LRTM2: variants seen among roughly 807,000 people sequenced by gnomAD.
The protein encoded by LRTM2 is leucine rich repeat transmembrane protein 2.
A neutral mutation model predicts 28.1 loss-of-function variants in LRTM2; 18 were observed. That is an observed-to-expected ratio of 0.64 (90% CI 0.44 to 0.95). The LOEUF (loss-of-function observed/expected upper bound fraction) is 0.95. LRTM2 is among the 40% of genes least tolerant of loss of function. The probability of loss-of-function intolerance (pLI) is 0.00; values close to 1 mark genes in which losing one functional copy is unlikely to be tolerated. For synonymous variants in LRTM2, 250 were observed against 218.7 expected (o/e 1.14, Z -1.26); for missense variants, 436 against 497.2 (o/e 0.88, Z 1.17).
At chr12:1,827,978 A>T in intron 2 of LRTM2, 98 bp from the exon 3 acceptor site, 1 of 473,028 alleles carries the variant, frequency 2.1e-6, no homozygotes, top group Non-Finnish European at 3.7e-6. Context: ...AGGAGAGGGC[A>T]TGAGGAGTGT....
Position 1,834,717 on chromosome 12 carries a change from C to A in LRTM2, c.1109C>A (p.Ala370Asp). ...HEDQKQISSV[A>D] is the part of the protein sequence containing the mutation. ...GACCAGAAGCAGATCTCTTCTGTGG[C>A]CTGAGCGCCCATCCCCACCCGGCCA... The change falls in exon 5 of 5, where the codon GCC (alanine) becomes GAC (aspartate). Residue 370 changes from alanine to aspartate, a missense_variant. Physicochemically the swap from Ala to Asp is moderately radical, Grantham distance 126 (BLOSUM62 -2). Transcript: ENST00000299194. This position sits in a 1 kb window ranked among gnomAD's most constrained non-coding sequence, Gnocchi z 7.6. The A allele has an allele frequency of 6.3e-7, 1 of 1,586,374 alleles. No individual in the cohort carries two copies. Among genetic ancestry groups the A allele is most frequent in the Non-Finnish European group, 8.6e-7 (1 of 1,168,482 alleles).
intron 1 of LRTM2, among the ~76,000 whole-genome samples, chr12:1,821,448 G>T (rs1864096092): frequency 6.6e-6 from 1 of 152,232 alleles, no homozygotes; most frequent in African/African-American, 2.4e-5. Context: ...TGAGGGTGAG[G>T]CTGGGAGTGG....
In LRTM2 at chr12:1,834,586, G is replaced by C. The variant is rs772385861; in HGVS notation, c.978G>C (p.Val326=). ...VVCGVVCIMM[V]VAAAYGCIYA... The stretch of plus-strand genomic sequence containing the variant: ...GCGGCGTCGTCTGCATCATGATGGT[G>C]GTGGCCGCTGCCTATGGCTGCATCT... Residue 326 remains valine, a synonymous_variant, in exon 5 of 5, where the codon GTG becomes GTC. Transcript: ENST00000299194. This position sits in a 1 kb window ranked among gnomAD's most constrained non-coding sequence, Gnocchi z 7.6. 1 of 1,600,584 alleles carries C rather than the reference G, an allele frequency of 6.2e-7. No individual in the cohort carries two copies. Among genetic ancestry groups the C allele is most frequent in the East Asian group, 2.2e-5 (1 of 44,870 alleles).
In LRTM2 at chr12:1,833,001, G is replaced by A. The variant is rs931684657; in HGVS notation, c.659-1266G>A. Among the ~76,000 whole-genome samples the A allele has an allele frequency of 3.3e-5, 5 of 152,178 alleles. No individual in the cohort carries two copies. Among genetic ancestry groups the A allele is most frequent in the East Asian group, 1.9e-4 (1 of 5,192 alleles). ...GATGTGAGGTTTGCTGCAGGCCACC[G>A]AGGTGTCAGCCGCACAGGGGAACTA... On this transcript the variant is annotated intron_variant, in intron 4 of 4. Coordinates refer to ENST00000299194, the MANE Select transcript of LRTM2 (RefSeq NM_001039029.3). This position sits in a 1 kb window ranked among gnomAD's most constrained non-coding sequence, Gnocchi z 4.2.
Position 1,828,632 on chromosome 12 carries a change from C to G in LRTM2, c.67+417C>G, listed in dbSNP as rs1196730477. Among the ~76,000 whole-genome samples, 2 of 152,204 alleles carry G rather than the reference C, an allele frequency of 1.3e-5. No homozygotes were observed. The highest frequency in any genetic ancestry group is 4.8e-5 in the African/African-American group (2 of 41,458). On this transcript the variant is annotated intron_variant, in intron 3 of 4. Coordinates refer to ENST00000299194, the MANE Select transcript of LRTM2 (RefSeq NM_001039029.3). The surrounding 1 kb of genome is among the most constrained non-coding windows in gnomAD (Gnocchi z 4.2). ...CTTTTGCTCCCGTGGGGAACTGCCC[C>G]CTTGGCTGGCCTCGGCCAGGAGCTG...
At position 1,831,290 on chromosome 12, in the gene LRTM2, G is replaced by A; in HGVS notation, c.423G>A (p.Leu141=). 2 of 1,613,654 alleles carry A rather than the reference G, an allele frequency of 1.2e-6. No individual in the cohort carries two copies. Among genetic ancestry groups the A allele is most frequent in the Non-Finnish European group, 1.7e-6 (2 of 1,180,018 alleles). The change falls in exon 4 of 5, where the codon CTG becomes CTA. Residue 141 remains leucine, a synonymous_variant. Transcript: ENST00000299194. ...LDRDLLRHSP[L]LRHLDLSING... The stretch of plus-strand genomic sequence containing the variant: ...GGGACCTGCTGCGGCACTCGCCGCT[G>A]CTCCGCCACCTGGACCTGTCCATCA...
Position 1,833,975 on chromosome 12 carries a change from G to A in LRTM2, c.659-292G>A, listed in dbSNP as rs1161920229. The stretch of plus-strand genomic sequence containing the variant: ...CGTTTGGCCTGGGAGAGGACAGGCC[G>A]GATGGAAGTGGCTGCGTGCTTCTCT... On this transcript the variant is annotated intron_variant, in intron 4 of 4. Coordinates refer to ENST00000299194, the MANE Select transcript of LRTM2 (RefSeq NM_001039029.3). The surrounding 1 kb of genome is among the most constrained non-coding windows in gnomAD (Gnocchi z 4.2). Among the ~76,000 whole-genome samples, 3 of 152,208 alleles carry A rather than the reference G, an allele frequency of 2.0e-5. No individual in the cohort carries two copies. Among genetic ancestry groups the A allele is most frequent in the Admixed American group, 6.5e-5 (1 of 15,288 alleles).
In LRTM2 at chr12:1,834,140, C is replaced by T; in HGVS notation, c.659-127C>T. The stretch of plus-strand genomic sequence containing the variant: ...GCTTCCTCTTCTATAGATGGTGATT[C>T]CAGGATTGACTACATTGCTGATAAA... On this transcript the variant is annotated intron_variant, in intron 4 of 4. Transcript: ENST00000299194. The surrounding 1 kb of genome is among the most constrained non-coding windows in gnomAD (Gnocchi z 7.6). 1 of 1,101,526 alleles carries T rather than the reference C, an allele frequency of 9.1e-7. No homozygotes were observed. Among genetic ancestry groups the T allele is most frequent in the South Asian group, 1.7e-5 (1 of 57,354 alleles). 68.2% of individuals were successfully genotyped at this position (1,101,526 alleles called of 1,614,324 possible). A position where few individuals can be genotyped will look rare whatever the true frequency, so the allele number is the denominator to read the frequency against.
In LRTM2 at chr12:1,834,456, C is replaced by T. The variant is rs756346656; in HGVS notation, c.848C>T (p.Ala283Val). The T allele has an allele frequency of 1.2e-6, 2 of 1,611,612 alleles. No individual in the cohort carries two copies. Among genetic ancestry groups the T allele is most frequent in the Non-Finnish European group, 1.7e-6 (2 of 1,179,834 alleles). The change falls in exon 5 of 5, where the codon GCT becomes GTT. Residue 283 changes from alanine to valine, a missense_variant. Ala to Val is a moderately conservative substitution (Grantham distance 64). Coordinates refer to ENST00000299194, the MANE Select transcript of LRTM2 (RefSeq NM_001039029.3). This position sits in a 1 kb window ranked among gnomAD's most constrained non-coding sequence, Gnocchi z 7.6. The part of the protein sequence containing the change: ...SPEPAKPKPG[A>V]EPEPEPSTAC... ...GAGCCTGCTAAGCCCAAGCCCGGGGCTGAGCCGGAGCCGGAGCCCAGCACA... is the reference window on the plus strand; with the variant it reads ...GAGCCTGCTAAGCCCAAGCCCGGGGTTGAGCCGGAGCCGGAGCCCAGCACA...
Position 1,830,975 on chromosome 12 carries a change from C to T in LRTM2, c.108C>T (p.Leu36=), listed in dbSNP as rs1461007032. The T allele has an allele frequency of 1.9e-6, 3 of 1,613,262 alleles. No homozygotes were observed. Among genetic ancestry groups the T allele is most frequent in the Non-Finnish European group, 2.5e-6 (3 of 1,179,504 alleles). The change falls in exon 4 of 5, where the codon CTC becomes CTT. Residue 36 remains leucine, a synonymous_variant. Transcript: ENST00000299194. ...TCGCCCTGTATGCTGTGGAGGCCCTCCCCACCTGCCCTTTCTCCTGCAAGT... is the reference window on the plus strand; with the variant it reads ...TCGCCCTGTATGCTGTGGAGGCCCTTCCCACCTGCCCTTTCTCCTGCAAGT... ...CWIALYAVEA[L]PTCPFSCKCD...
rs1592684134 is a variant in LRTM2, at chr12:1,827,440, G to A, written c.-228G>A. On this transcript the variant is annotated 5_prime_UTR_variant, in exon 2 of 5. Transcript: ENST00000299194. ...GCAGCATGAACCCCTGAGCTGATGA[G>A]TCTTATTATAGCCCGGCTGGCGGAA... 2 of 152,808 alleles carry A rather than the reference G, an allele frequency of 1.3e-5. No individual in the cohort carries two copies. The highest frequency in any genetic ancestry group is 2.9e-5 in the Non-Finnish European group (2 of 68,170). The allele number at this position is 152,808 out of a possible 1,614,324, so 9.5% of individuals were successfully genotyped here.
At chr12:1,821,462 G>A (rs1403038699) in intron 1 of LRTM2, among the ~76,000 whole-genome samples, 1 of 152,208 alleles carries the variant, frequency 6.6e-6, no homozygotes, top group African/African-American at 2.4e-5. Flanking sequence ...GGAGTGGGCA[G>A]GAGAGAGAAG....
intron 1 of LRTM2, among the ~76,000 whole-genome samples, chr12:1,823,953 C>T (rs758959183): frequency 1.8e-4 from 27 of 152,198 alleles, no homozygotes; most frequent in Non-Finnish European, 2.6e-4. Flanking sequence ...CCAGAGAGCT[C>T]GGGCTCAGAG....
rs1244463391 is a variant in LRTM2, at chr12:1,834,194, G to A, written c.659-73G>A. 1.3e-6 allele frequency: 2 copies of A among 1,489,158 alleles called. No homozygotes were observed. Among genetic ancestry groups the A allele is most frequent in the Non-Finnish European group, 9.0e-7 (1 of 1,117,262 alleles). The allele number at this position is 1,489,158 out of a possible 1,614,324, so 92.2% of individuals were successfully genotyped here. A position where few individuals can be genotyped will look rare whatever the true frequency, so the allele number is the denominator to read the frequency against. On this transcript the variant is annotated intron_variant, in intron 4 of 4. Transcript: ENST00000299194. This position sits in a 1 kb window ranked among gnomAD's most constrained non-coding sequence, Gnocchi z 7.6. Reference sequence around the variant, plus strand: ...TACCTTCTGGGGCTTCCGTTTTGGGGAGCTGGGGATGGGGAGAGGGAGTGC... The same window carrying A: ...TACCTTCTGGGGCTTCCGTTTTGGGAAGCTGGGGATGGGGAGAGGGAGTGC...
At position 1,834,129 on chromosome 12, in the gene LRTM2, A is replaced by C; in HGVS notation, c.659-138A>C. 1 of 988,294 alleles carries C rather than the reference A, an allele frequency of 1.0e-6. No homozygotes were observed. Among genetic ancestry groups the C allele is most frequent in the Non-Finnish European group, 1.4e-6 (1 of 700,162 alleles). The allele number at this position is 988,294 out of a possible 1,614,324, so 61.2% of individuals were successfully genotyped here. Reference sequence around the variant, plus strand: ...TTCCCTCCTCCGCTTCCTCTTCTATAGATGGTGATTCCAGGATTGACTACA... The same window carrying C: ...TTCCCTCCTCCGCTTCCTCTTCTATCGATGGTGATTCCAGGATTGACTACA... On this transcript the variant is annotated intron_variant, in intron 4 of 4. Coordinates refer to ENST00000299194, the MANE Select transcript of LRTM2 (RefSeq NM_001039029.3). This position sits in a 1 kb window ranked among gnomAD's most constrained non-coding sequence, Gnocchi z 7.6.
At chr12:1,827,897 C>T (rs947207832) in intron 2 of LRTM2, 179 bp from the exon 3 acceptor site, 4 of 402,060 alleles carry the variant, frequency 9.9e-6, no homozygotes, top group Admixed American at 4.4e-5. Context: ...TGCCCCGCCC[C>T]CATCCCAGGG....
At chr12:1,822,631 A>C (rs1024136774) in intron 1 of LRTM2, among the ~76,000 whole-genome samples, 1 of 152,220 alleles carries the variant, frequency 6.6e-6, no homozygotes, top group Non-Finnish European at 1.5e-5. Flanking sequence ...ACGGGGGTGC[A>C]GGAGGCTGGG....
chr12:1,822,592 G>A (rs1220721834), intron 1 of LRTM2, among the ~76,000 whole-genome samples: 1 of 152,240 alleles, frequency 6.6e-6, no homozygotes, highest in African/African-American at 2.4e-5. Context: ...CAGAGGGTCT[G>A]TTTGAGATTG....
chr12:1,828,168 G>T lies in LRTM2; in HGVS notation c.20G>T (p.Ser7Ile). The T allele has an allele frequency of 6.5e-7, 1 of 1,545,980 alleles. No homozygotes were observed. The highest frequency in any genetic ancestry group is 8.7e-7 in the Non-Finnish European group (1 of 1,144,818). ...CTCACCATGCTGGCGCCGGGCAGCA[G>T]CCCTGGGCAGAGGGGCAGGCTCGCC... MLAPGS[S>I]PGQRGRLALQ... The change falls in exon 3 of 5, where the codon AGC becomes ATC. Residue 7 changes from serine (S) to isoleucine (I), a missense_variant. Physicochemically the swap from Ser to Ile is moderately radical, Grantham distance 142 (BLOSUM62 -2). Coordinates refer to ENST00000299194, the MANE Select transcript of LRTM2 (RefSeq NM_001039029.3). The surrounding 1 kb of genome is among the most constrained non-coding windows in gnomAD (Gnocchi z 4.2).
Sources: allele counts gnomAD v4.1 joint callset (sites outside exome capture counted in the v4.1 genomes callset), GRCh38; gene constraint gnomAD v4.1.1; non-coding constraint Gnocchi (gnomAD v3.1); transcripts MANE v1.5; gene names NCBI Gene and HGNC (gene_info 2026-07-23, HGNC 2026-07-21).